Variants in SYNDIG1 observed in about 807,000 individuals in gnomAD.
SYNDIG1 encodes the protein synapse differentiation-inducing gene protein 1.
SYNDIG1 carries 9 observed loss-of-function variants against 19.4 expected under a neutral mutation model. The observed-to-expected ratio is 0.46, with a 90% CI of 0.28 to 0.81. The LOEUF (loss-of-function observed/expected upper bound fraction) is 0.81, where lower values mean the gene tolerates loss of function less well. Ranked by LOEUF, SYNDIG1 falls within the 30% of genes least tolerant of loss-of-function variation. SYNDIG1 has a pLI of 0.12. For missense variants in SYNDIG1, 311 were observed against 343.3 expected, an observed-to-expected ratio of 0.91 and a Z score of 0.74; for synonymous variants, 141 against 145.9, an observed-to-expected ratio of 0.97 and a Z score of 0.24.
chr20:24,489,524 C>T (rs1026339935), intron 1 of SYNDIG1, among the ~76,000 whole-genome samples: 6 of 148,530 alleles, frequency 4.0e-5, no homozygotes, highest in Non-Finnish European at 8.9e-5. Flanking sequence ...TGCACACACA[C>T]GTACACATGC....
chr20:24,564,045 C>T (rs549716599), intron 2 of SYNDIG1, among the ~76,000 whole-genome samples: 25 of 152,256 alleles, frequency 1.6e-4, no homozygotes, highest in Non-Finnish European at 2.8e-4. Context: ...GCAGCAGGAC[C>T]GTGGCCAAAC....
chr20:24,589,636 C>T (rs1404151954), intron 3 of SYNDIG1, among the ~76,000 whole-genome samples: 1 of 152,214 alleles, frequency 6.6e-6, no homozygotes, highest in Non-Finnish European at 1.5e-5. Flanking sequence ...CCCGAGGGTT[C>T]CTGTGTTGAC....
intron 1 of SYNDIG1, among the ~76,000 whole-genome samples, chr20:24,519,375 C>T (rs1020403320): frequency 6.6e-6 from 1 of 152,160 alleles, no homozygotes; most frequent in Non-Finnish European, 1.5e-5. Flanking sequence ...TGGTTTATTT[C>T]AGCAAATCTG....
intron 3 of SYNDIG1, among the ~76,000 whole-genome samples, chr20:24,646,221 C>T (rs2059421452): frequency 1.3e-5 from 2 of 152,216 alleles, no homozygotes; most frequent in Non-Finnish European, 2.9e-5. Flanking sequence ...GACCAGGGAA[C>T]ATGCACACAT....
In SYNDIG1 at chr20:24,583,020, G is replaced by A. The variant is rs571056450; in HGVS notation, c.481-1836G>A. 4.2e-3 allele frequency among the ~76,000 whole-genome samples: 633 copies of A among 152,332 alleles called. 7 individuals carry two copies. Among genetic ancestry groups the A allele is most frequent in the Non-Finnish European group, 6.9e-3 (466 of 68,026 alleles). ...AGTTCCACGAGAGGCCACCTGGGACGTCCTTATTGTTGGACTGATCCCATG... is the reference window on the plus strand; with the variant it reads ...AGTTCCACGAGAGGCCACCTGGGACATCCTTATTGTTGGACTGATCCCATG... On this transcript the variant is annotated intron_variant, in intron 2 of 3. Transcript: ENST00000376862.
At chr20:24,603,257 T>A (rs1005833630) in intron 3 of SYNDIG1, among the ~76,000 whole-genome samples, 2 of 152,116 alleles carry the variant, frequency 1.3e-5, no homozygotes, top group Non-Finnish European at 2.9e-5. Context: ...GGAGAGATTG[T>A]TCGTGGCTAG....
Position 24,642,451 on chromosome 20 carries a change from C to T in SYNDIG1, c.619-22895C>T, listed in dbSNP as rs760645472. Among the ~76,000 whole-genome samples, 16 of 152,232 alleles carry T rather than the reference C, an allele frequency of 1.1e-4. No individual in the cohort carries two copies. The East Asian group carries it at 1.2e-3, about 11-fold the overall frequency. On this transcript the variant is annotated intron_variant, in intron 3 of 3. Transcript: ENST00000376862. ...AGGAAGTCACCGCACAGCCCACACT[C>T]GAAGGGTAGGGTGGAAAATACTTTA...
chr20:24,633,608 G>A (rs149631836), intron 3 of SYNDIG1, among the ~76,000 whole-genome samples: 45 of 152,198 alleles, frequency 3.0e-4, no homozygotes, highest in Middle Eastern at 3.4e-3. Context: ...TTTCCAGTTC[G>A]CAAGGGCTGG....
At chr20:24,635,172 G>A (rs867779874) in intron 3 of SYNDIG1, among the ~76,000 whole-genome samples, 6 of 152,214 alleles carry the variant, frequency 3.9e-5, no homozygotes, top group African/African-American at 9.6e-5. Context: ...CTGCTGGGCC[G>A]TGGGCCCAGG....
intron 1 of SYNDIG1, among the ~76,000 whole-genome samples, chr20:24,500,534 T>TTCTTTCTTTC (rs1568588128): frequency 1.6e-4 from 23 of 142,642 alleles, no homozygotes; most frequent in African/African-American, 6.1e-4. Flanking sequence ...TTCTTTCTTC[T>TTCTTTCTTTC]TTCTTTCTTT....
chr20:24,545,830 G>C lies in SYNDIG1; in HGVS notation c.480+2253G>C, dbSNP rs147243945. Among the ~76,000 whole-genome samples, 3 of 152,284 alleles carry C rather than the reference G, an allele frequency of 2.0e-5. No individual in the cohort carries two copies. In the East Asian group the frequency reaches 5.8e-4, roughly 29 times the overall value. ...AATAATACAGCAATAAGAATCTTTAGTCATAATAACGGTGCCTACTCTGTA... is the reference window on the plus strand; with the variant it reads ...AATAATACAGCAATAAGAATCTTTACTCATAATAACGGTGCCTACTCTGTA... On this transcript the variant is annotated intron_variant, in intron 2 of 3. Transcript: ENST00000376862.
chr20:24,606,868 C>T (rs991838597), intron 3 of SYNDIG1, among the ~76,000 whole-genome samples: 3 of 152,176 alleles, frequency 2.0e-5, no homozygotes, highest in Non-Finnish European at 2.9e-5. Flanking sequence ...TGGATGCTGA[C>T]GAGCAGAAGA....
chr20:24,499,016 TTTTG>T (rs145903809), intron 1 of SYNDIG1, among the ~76,000 whole-genome samples: 4,747 of 152,072 alleles, frequency 0.031, 209 homozygotes, highest in African/African-American at 0.11. Flanking sequence ...GTTTCTCCTG[TTTTG>T]TTTGTTTGTT....
intron 1 of SYNDIG1, among the ~76,000 whole-genome samples, chr20:24,513,918 C>T (rs952420415): frequency 2.0e-5 from 3 of 152,170 alleles, no homozygotes; most frequent in Non-Finnish European, 4.4e-5. Flanking sequence ...CAGACTAACA[C>T]GGATCTCTCG....
intron 2 of SYNDIG1, among the ~76,000 whole-genome samples, chr20:24,568,238 T>C (rs2058086941): frequency 6.6e-6 from 1 of 152,222 alleles, no homozygotes; most frequent in African/African-American, 2.4e-5. Flanking sequence ...GCTGGAGGCA[T>C]GTGCTTTCTT....
At chr20:24,560,204 G>A (rs898795420) in intron 2 of SYNDIG1, among the ~76,000 whole-genome samples, 1 of 150,898 alleles carries the variant, frequency 6.6e-6, no homozygotes, top group East Asian at 1.9e-4. Flanking sequence ...GAGTAGCTGG[G>A]ATTACAGGCA....
intron 3 of SYNDIG1, among the ~76,000 whole-genome samples, chr20:24,598,177 C>T (rs1347299684): frequency 1.3e-5 from 2 of 152,206 alleles, no homozygotes; most frequent in East Asian, 3.9e-4. Flanking sequence ...CAGACGGGCA[C>T]TGTGCAGGGT....
intron 3 of SYNDIG1, among the ~76,000 whole-genome samples, chr20:24,586,238 G>A (rs1445606428): frequency 6.6e-6 from 1 of 152,104 alleles, no homozygotes; most frequent in Admixed American, 6.5e-5. Flanking sequence ...GGCACAGTGG[G>A]GAAATCTTGA....
At chr20:24,564,751 C>T (rs529397807) in intron 2 of SYNDIG1, among the ~76,000 whole-genome samples, 4 of 150,110 alleles carry the variant, frequency 2.7e-5, no homozygotes, top group African/African-American at 7.3e-5. Context: ...AGGAGGCCCC[C>T]ACTGTGCAAA....
Sources: allele counts gnomAD v4.1 joint callset (sites outside exome capture counted in the v4.1 genomes callset), GRCh38; gene constraint gnomAD v4.1.1; transcripts MANE v1.5; gene names NCBI Gene and HGNC (gene_info 2026-07-23, HGNC 2026-07-21).